Variants in SEMA3D observed in about 807,000 individuals in gnomAD.
SEMA3D encodes semaphorin-3D.
In SEMA3D, 84 loss-of-function variants were observed where a neutral mutation model predicts 100.1. The ratio of observed to expected loss-of-function variants is 0.84; its 90% CI spans 0.70 to 1.01. SEMA3D has a LOEUF of 1.01. Ranked by LOEUF, SEMA3D falls within the 50% of genes least tolerant of loss-of-function variation. The pLI is 0.00. For missense variants in SEMA3D, 875 were observed against 934.1 expected, an observed-to-expected ratio of 0.94 and a Z score of 0.82; for synonymous variants, 312 against 320.7, an observed-to-expected ratio of 0.97 and a Z score of 0.29.
chr7:85,233,074 T>C, the SEMA3D span, among the ~76,000 whole-genome samples: 6 of 152,148 alleles, frequency 3.9e-5, no homozygotes, highest in Non-Finnish European at 5.9e-5. Context: ...ACGGTAGACC[T>C]CTGCTCAGTG....
At chr7:85,242,432 T>C in the SEMA3D span, among the ~76,000 whole-genome samples, 6,784 of 152,278 alleles carry the variant, frequency 0.045, 450 homozygotes, top group African/African-American at 0.15. Flanking sequence ...TTGACCTATA[T>C]GCTCTGTGTG....
chr7:85,121,952 A>AC (rs1789430478), intron 2 of SEMA3D, 21 bp from the exon 3 acceptor site: 2 of 1,295,430 alleles, frequency 1.5e-6, no homozygotes, highest in Non-Finnish European at 2.1e-6. Context: ...GTAAAAAAAA[A>AC]AAAACTATTA....
At chr7:85,038,194 T>A (rs754719805) in intron 11 of SEMA3D, among the ~76,000 whole-genome samples, 2 of 152,070 alleles carry the variant, frequency 1.3e-5, no homozygotes, top group Non-Finnish European at 2.9e-5. Context: ...ACTTAAAGTA[T>A]AATAAAAATA....
intron 3 of SEMA3D, among the ~76,000 whole-genome samples, chr7:85,115,781 G>T (rs561984924): frequency 6.6e-6 from 1 of 151,878 alleles, no homozygotes; most frequent in Non-Finnish European, 1.5e-5. Context: ...AATCCTCTCT[G>T]CCCCCCAACA....
chr7:85,196,816 T>G, the SEMA3D span, among the ~76,000 whole-genome samples: 1 of 152,072 alleles, frequency 6.6e-6, no homozygotes, highest in African/African-American at 2.4e-5. Context: ...CAAAAATGAC[T>G]AAAATGAAAA....
Position 85,022,565 on chromosome 7 carries a change from G to A in SEMA3D, c.1240C>T (p.Pro414Ser). 2 of 1,612,476 alleles carry A rather than the reference G, an allele frequency of 1.2e-6. No homozygotes were observed. The highest frequency in any genetic ancestry group is 1.1e-5 in the South Asian group (1 of 91,052). Residue 414 changes from proline to serine, a missense_variant, in exon 13 of 19, where the codon CCA becomes TCA. Coordinates refer to ENST00000284136, the MANE Select transcript of SEMA3D (RefSeq NM_001384900.1). ...TTTATGAAACTGATGACATCATCTG[G>A]AAAATCTCGGGTGGACTTAATCAGT... Reference protein sequence around the residue: ...DPLIKSTRDFPDDVISFIKRH... With the variant: ...DPLIKSTRDFSDDVISFIKRH...
At chr7:85,087,004 A>G (rs1237368212) in intron 4 of SEMA3D, among the ~76,000 whole-genome samples, 3 of 152,214 alleles carry the variant, frequency 2.0e-5, no homozygotes, top group Non-Finnish European at 4.4e-5. Context: ...GTGATTATTA[A>G]TATTCTTACT....
At chr7:85,212,561 A>C in the SEMA3D span, among the ~76,000 whole-genome samples, 1 of 151,104 alleles carries the variant, frequency 6.6e-6, no homozygotes, top group South Asian at 2.1e-4. Context: ...AAGTCTGTAA[A>C]TGCATGTGCA....
intron 6 of SEMA3D, among the ~76,000 whole-genome samples, chr7:85,071,060 C>T (rs950775365): frequency 4.6e-5 from 7 of 152,116 alleles, no homozygotes; most frequent in Admixed American, 2.0e-4. Context: ...CCACTGCGTC[C>T]GGCCAGCACT....
intron 8 of SEMA3D, among the ~76,000 whole-genome samples, chr7:85,062,544 G>T (rs1333577191): frequency 6.6e-6 from 1 of 152,078 alleles, no homozygotes; most frequent in Non-Finnish European, 1.5e-5. Flanking sequence ...AGTTAAAATA[G>T]ATAAAAATCA....
intron 1 of SEMA3D, among the ~76,000 whole-genome samples, chr7:85,168,570 T>A (rs879186779): frequency 1.3e-5 from 2 of 150,658 alleles, no homozygotes; most frequent in Admixed American, 1.3e-4. Flanking sequence ...ATGAGCACAC[T>A]ACAACTAGTG....
At chr7:85,157,238 A>G (rs1042657512) in intron 1 of SEMA3D, among the ~76,000 whole-genome samples, 3 of 152,226 alleles carry the variant, frequency 2.0e-5, no homozygotes, top group African/African-American at 4.8e-5. Context: ...TGTGGCAGTT[A>G]ATAAATAAAT....
At chr7:85,124,325 G>A (rs1328788728) in intron 2 of SEMA3D, among the ~76,000 whole-genome samples, 1 of 151,550 alleles carries the variant, frequency 6.6e-6, no homozygotes, top group Non-Finnish European at 1.5e-5. Context: ...TCCAATACAA[G>A]TTTTAAATAT....
intron 12 of SEMA3D, among the ~76,000 whole-genome samples, chr7:85,036,523 T>G (rs1302002640): frequency 6.6e-6 from 1 of 152,162 alleles, no homozygotes; most frequent in Non-Finnish European, 1.5e-5. Context: ...ATTAGAAGAC[T>G]CGAGCTATCT....
At chr7:85,022,927 A>G (rs1371953779) in intron 12 of SEMA3D, among the ~76,000 whole-genome samples, 3 of 151,928 alleles carry the variant, frequency 2.0e-5, no homozygotes, top group African/African-American at 7.2e-5. Context: ...ACTTGAAATA[A>G]CTGTTAAGAA....
chr7:85,166,327 G>A (rs1790903904), intron 1 of SEMA3D, among the ~76,000 whole-genome samples: 1 of 151,864 alleles, frequency 6.6e-6, no homozygotes, highest in Non-Finnish European at 1.5e-5. Flanking sequence ...GATAAAATGA[G>A]AAGAAAAATA....
At chr7:85,028,190 T>C (rs1790444308) in intron 12 of SEMA3D, 1 of 656,662 alleles carries the variant, frequency 1.5e-6, no homozygotes, top group African/African-American at 1.8e-5. Context: ...GTGTCTTCTA[T>C]GGTTCTGACA....
intron 9 of SEMA3D, among the ~76,000 whole-genome samples, chr7:85,048,170 G>T (rs1239740833): frequency 6.6e-5 from 10 of 151,640 alleles, no homozygotes; most frequent in Admixed American, 6.6e-4. Context: ...TTGTCTTTTT[G>T]ATTTAATGCC....
At chr7:85,017,040 C>T (rs1198812471) in intron 15 of SEMA3D, among the ~76,000 whole-genome samples, 1 of 151,518 alleles carries the variant, frequency 6.6e-6, no homozygotes, top group Non-Finnish European at 1.5e-5. Flanking sequence ...GCCTTCCTGC[C>T]CTTTGAACAC....
Sources: allele counts gnomAD v4.1 joint callset (sites outside exome capture counted in the v4.1 genomes callset), GRCh38; gene constraint gnomAD v4.1.1; transcripts MANE v1.5; gene names NCBI Gene and HGNC (gene_info 2026-07-23, HGNC 2026-07-21).